The following PPEF1 variants were observed in gnomAD, a reference collection of about 807,000 sequenced individuals.
The protein encoded by PPEF1 is serine/threonine-protein phosphatase with EF-hands 1.
PPEF1 carries 12 observed loss-of-function variants against 53.3 expected under a neutral mutation model. The ratio of observed to expected loss-of-function variants is 0.23; its 90% CI spans 0.14 to 0.36. The LOEUF (loss-of-function observed/expected upper bound fraction) is 0.36, where lower values mean the gene tolerates loss of function less well. Among genes scored for constraint, PPEF1 ranks in the 10% least tolerant of loss-of-function variants. PPEF1 has a pLI of 1.00. For missense variants in PPEF1, 334 were observed against 490.4 expected (o/e 0.68, Z 3.01); for synonymous variants, 165 against 176.7 (o/e 0.93, Z 0.52).
chrX:18,741,318 C>T (rs1048300252), intron 3 of PPEF1, among the ~76,000 whole-genome samples: 1 of 112,238 alleles, frequency 8.9e-6, no homozygotes, highest in South Asian at 3.7e-4. Flanking sequence ...TCATCAGAAT[C>T]ACTTACGGAG....
intron 12 of PPEF1, among the ~76,000 whole-genome samples, chrX:18,810,697 A>G (rs1286462904): frequency 8.9e-6 from 1 of 112,300 alleles, no homozygotes; most frequent in African/African-American, 3.2e-5. Context: ...GTTGTATTCT[A>G]TATCAGTACT....
Position 18,793,714 on chromosome X carries a change from T to G in PPEF1, c.1065+4441T>G, listed in dbSNP as rs1187815466. Reference sequence around the variant, plus strand: ...GCTCCCCCCACCCCCCGCCCGTGTATGAGTCATACTTTTTTCTTTGCATGT... The same window carrying G: ...GCTCCCCCCACCCCCCGCCCGTGTAGGAGTCATACTTTTTTCTTTGCATGT... On this transcript the variant is annotated intron_variant, in intron 10 of 15. Coordinates refer to ENST00000470157, the MANE Select transcript of PPEF1 (RefSeq NM_001377996.1). Among the ~76,000 whole-genome samples the G allele has an allele frequency of 3.8e-5, 3 of 78,575 alleles. No individual in the cohort carries two copies. In the East Asian group the frequency reaches 1.4e-3, roughly 38 times the overall value. The allele number at this position is 78,575 out of a possible 115,157, so 68.2% of individuals were successfully genotyped here.
chrX:18,765,786 G>A (rs1273137184), intron 6 of PPEF1, among the ~76,000 whole-genome samples: 6 of 110,847 alleles, frequency 5.4e-5, no homozygotes, highest in Admixed American at 9.7e-5. Context: ...GAAAAAGGCC[G>A]GGCACAGTGG....
At chrX:18,826,633 T>A (rs1358792318) in intron 15 of PPEF1, among the ~76,000 whole-genome samples, 1 of 107,999 alleles carries the variant, frequency 9.3e-6, no homozygotes, top group East Asian at 2.9e-4. Context: ...TCCATGTTGG[T>A]CAGGCTGGTC....
intron 4 of PPEF1, among the ~76,000 whole-genome samples, chrX:18,751,721 A>G (rs5909225): frequency 0.44 from 48,999 of 111,192 alleles, 8,602 homozygotes; most frequent in Non-Finnish European, 0.57. Flanking sequence ...TGGAGGTTGC[A>G]GTGAGCCGAG....
intron 1 of PPEF1, among the ~76,000 whole-genome samples, chrX:18,683,307 T>C (rs1453065088): frequency 9.0e-6 from 1 of 111,367 alleles, no homozygotes; most frequent in Non-Finnish European, 1.9e-5. Context: ...GGTACAATTA[T>C]ACAGTGGGCA....
At chrX:18,782,238 TC>T in intron 7 of PPEF1, 127 bp from the exon 8 acceptor site, 1 of 553,206 alleles carries the variant, frequency 1.8e-6, no homozygotes, top group South Asian at 2.8e-5. Context: ...AAGTAACACT[TC>T]CAACTGAACT....
At chrX:18,709,567 G>A (rs2044278274) in intron 1 of PPEF1, among the ~76,000 whole-genome samples, 1 of 104,459 alleles carries the variant, frequency 9.6e-6, no homozygotes, top group East Asian at 3.1e-4. Flanking sequence ...GGGCGATCTC[G>A]GCTCGCTGCA....
intron 3 of PPEF1, among the ~76,000 whole-genome samples, chrX:18,690,024 T>C (rs1452236363): frequency 2.7e-5 from 3 of 110,822 alleles, no homozygotes; most frequent in Admixed American, 9.7e-5. Context: ...CACCTCACTC[T>C]CATAAAATGA....
intron 5 of PPEF1, chrX:18,700,174 C>G (rs1030334357): frequency 9.2e-6 from 1 of 108,958 alleles, no homozygotes; most frequent in Non-Finnish European, 1.9e-5. Context: ...TGGCCCTGTT[C>G]TAGTTATTTC....
chrX:18,696,843 G>A (rs1317274688), intron 4 of PPEF1, among the ~76,000 whole-genome samples: 1 of 111,589 alleles, frequency 9.0e-6, no homozygotes, highest in Non-Finnish European at 1.9e-5. Context: ...GAGGTATCAG[G>A]AGCCACAAGC....
At chrX:18,720,067 A>G (rs1388537637) in intron 1 of PPEF1, among the ~76,000 whole-genome samples, 1 of 111,468 alleles carries the variant, frequency 9.0e-6, no homozygotes, top group Non-Finnish European at 1.9e-5. Context: ...TATCCTGCCA[A>G]AATACACAAC....
At chrX:18,687,329 T>A in intron 3 of PPEF1, among the ~76,000 whole-genome samples, 1 of 111,459 alleles carries the variant, frequency 9.0e-6, no homozygotes, top group Middle Eastern at 4.6e-3. Context: ...CAGTGGCTGC[T>A]ACAATGTGTG....
chrX:18,759,114 G>T (rs2045607865), intron 5 of PPEF1, among the ~76,000 whole-genome samples: 3 of 111,295 alleles, frequency 2.7e-5, no homozygotes, highest in Non-Finnish European at 5.6e-5. Flanking sequence ...CAAAGATTAG[G>T]GCGTGACTTA....
chrX:18,826,417 C>CTTTTTTTTTT (rs58697941), intron 15 of PPEF1, among the ~76,000 whole-genome samples: 2 of 24,626 alleles, frequency 8.1e-5, no homozygotes, highest in African/African-American at 4.1e-4. Context: ...TCATTTTCTG[C>CTTTTTTTTTT]TTTTTTTTTT....
intron 9 of PPEF1, among the ~76,000 whole-genome samples, chrX:18,787,762 A>AC (rs1271432580): frequency 1.1e-4 from 9 of 79,835 alleles, no homozygotes; most frequent in Non-Finnish European, 2.2e-4. Flanking sequence ...TTTACAAAAA[A>AC]AAAAAAAAAG....
Position 18,734,397 on chromosome X carries a change from C to T in PPEF1, c.235+589C>T, listed in dbSNP as rs1411726038. On this transcript the variant is annotated intron_variant, in intron 3 of 15. Coordinates refer to ENST00000470157, the MANE Select transcript of PPEF1 (RefSeq NM_001377996.1). ...TGCAGTGTTTGGTTTTCTGTCCTTG[C>T]GATAGTTTGCTCAGAATGATGGTTT... 1.3e-4 allele frequency among the ~76,000 whole-genome samples: 14 copies of T among 107,895 alleles called. 1 individual carries two copies. The highest frequency in any genetic ancestry group is 8.4e-4 in the South Asian group (2 of 2,372). The allele number at this position is 107,895 out of a possible 115,157, so 93.7% of individuals were successfully genotyped here.
At chrX:18,684,015 C>A (rs1928973809) in intron 1 of PPEF1, among the ~76,000 whole-genome samples, 1 of 112,009 alleles carries the variant, frequency 8.9e-6, no homozygotes. Flanking sequence ...ACTGATTGAA[C>A]CTTTGCACAT....
upstream of PPEF1, among the ~76,000 whole-genome samples, chrX:18,703,620 A>T (rs763478923): frequency 1.8e-5 from 2 of 112,278 alleles, no homozygotes; most frequent in African/African-American, 3.2e-5. Flanking sequence ...TGTAGGTGCC[A>T]GAGATTCAAG....
Sources: gnomAD v4.1 joint callset for allele counts (sites outside exome capture counted in the v4.1 genomes callset) on GRCh38, gnomAD v4.1.1 for gene constraint, MANE v1.5 for transcripts, NCBI Gene and HGNC (gene_info 2026-07-23, HGNC 2026-07-21) for gene names.